Variants in WDR72 observed in about 807,000 individuals in gnomAD.
WDR72 encodes WD repeat domain 72.
Under a neutral mutation model 124.2 loss-of-function variants are expected in WDR72, and 120 were observed. The ratio of observed to expected loss-of-function variants is 0.97; its 90% CI spans 0.83 to 1.12. WDR72 has a LOEUF of 1.12. Among genes scored for constraint, WDR72 ranks in the 50% most tolerant of loss-of-function variants. The probability of loss-of-function intolerance (pLI) is 0.00; values close to 1 mark genes in which losing one functional copy is unlikely to be tolerated. For synonymous variants in WDR72, 452 were observed against 441.7 expected, an observed-to-expected ratio of 1.02 and a Z score of -0.29; for missense variants, 1,387 against 1,278.8, an observed-to-expected ratio of 1.08 and a Z score of -1.29.
chr15:53,731,628 A>G (rs964768246), intron 2 of WDR72, among the ~76,000 whole-genome samples: 1 of 151,290 alleles, frequency 6.6e-6, no homozygotes, highest in Admixed American at 6.6e-5. Context: ...ACTTGCTCCT[A>G]AGAGACCCAT....
intron 13 of WDR72, among the ~76,000 whole-genome samples, chr15:53,668,989 G>GAGA (rs756811021): frequency 0.46 from 41,343 of 88,960 alleles, 7,271 homozygotes; most frequent in Non-Finnish European, 0.51. Flanking sequence ...GAAGGAGAAG[G>GAGA]AGGAGGAGAA....
chr15:53,707,394 A>G (rs1379786063), intron 9 of WDR72, among the ~76,000 whole-genome samples: 1 of 152,214 alleles, frequency 6.6e-6, no homozygotes, highest in African/African-American at 2.4e-5. Flanking sequence ...AATTCCCTAT[A>G]GTCCCAAGAA....
intron 18 of WDR72, among the ~76,000 whole-genome samples, chr15:53,591,040 G>C (rs1340307647): frequency 6.6e-6 from 1 of 151,948 alleles, no homozygotes; most frequent in Non-Finnish European, 1.5e-5. Flanking sequence ...GGCATAAATG[G>C]CTTCAGTGGT....
chr15:53,528,612 GTAAC>G (rs1892254701), intron 18 of WDR72, among the ~76,000 whole-genome samples: 1 of 152,084 alleles, frequency 6.6e-6, no homozygotes, highest in Non-Finnish European at 1.5e-5. Flanking sequence ...GTTGTGAAGA[GTAAC>G]TATTATTTTT....
intron 2 of WDR72, among the ~76,000 whole-genome samples, chr15:53,727,740 C>T (rs1440849464): frequency 6.6e-6 from 1 of 152,190 alleles, no homozygotes; most frequent in Admixed American, 6.5e-5. Context: ...AATATCAGAA[C>T]AGAACATCAT....
intron 2 of WDR72, among the ~76,000 whole-genome samples, chr15:53,724,349 T>C (rs550378740): frequency 5.9e-5 from 9 of 152,172 alleles, no homozygotes; most frequent in Non-Finnish European, 1.3e-4. Context: ...GTTAACTAAT[T>C]TGATTGTTGT....
At chr15:53,604,676 G>C (rs2013198596) in intron 17 of WDR72, among the ~76,000 whole-genome samples, 1 of 152,106 alleles carries the variant, frequency 6.6e-6, no homozygotes, top group South Asian at 2.1e-4. Context: ...GAAATGAACA[G>C]ACACTTTTCA....
intron 7 of WDR72, 127 bp from the exon 8 acceptor site, chr15:53,711,608 C>T: frequency 1.0e-6 from 1 of 991,152 alleles, no homozygotes. Context: ...ACTGTACTCT[C>T]ATATTAAGAT....
intron 3 of WDR72, among the ~76,000 whole-genome samples, 155 bp downstream of exon 3, chr15:53,722,647 C>G (rs1233086363): frequency 6.6e-6 from 1 of 152,208 alleles, no homozygotes; most frequent in Non-Finnish European, 1.5e-5. Context: ...GATCATCACA[C>G]AAGTTATTCA....
intron 13 of WDR72, among the ~76,000 whole-genome samples, chr15:53,695,810 A>G (rs890622308): frequency 6.6e-6 from 1 of 152,182 alleles, no homozygotes; most frequent in African/African-American, 2.4e-5. Context: ...TGACTCTAGA[A>G]TATGCTTACG....
At chr15:53,753,562 G>A (rs748321066) in intron 1 of WDR72, among the ~76,000 whole-genome samples, 11 of 152,200 alleles carry the variant, frequency 7.2e-5, no homozygotes, top group Middle Eastern at 3.2e-3. Context: ...TGTAGCTTTT[G>A]TGAACATCTT....
At chr15:53,637,950 G>A (rs1409482327) in intron 14 of WDR72, among the ~76,000 whole-genome samples, 3 of 152,152 alleles carry the variant, frequency 2.0e-5, no homozygotes, top group Non-Finnish European at 2.9e-5. Context: ...GGTGGGGAGT[G>A]GAGAGGGGTT....
intron 13 of WDR72, among the ~76,000 whole-genome samples, chr15:53,688,519 C>G (rs540733199): frequency 6.6e-6 from 1 of 152,154 alleles, no homozygotes; most frequent in South Asian, 2.1e-4. Context: ...AAGTCAAGGA[C>G]CTCTTCAAGG....
intron 13 of WDR72, among the ~76,000 whole-genome samples, chr15:53,680,619 T>G (rs2016348308): frequency 6.6e-6 from 1 of 152,242 alleles, no homozygotes; most frequent in Non-Finnish European, 1.5e-5. Flanking sequence ...CTTATCTTAG[T>G]TATCTTCCTA....
In WDR72 at chr15:53,702,144, T is replaced by C; in HGVS notation, c.1559A>G (p.Glu520Gly). 5 of 1,613,346 alleles carry C rather than the reference T, an allele frequency of 3.1e-6. No homozygotes were observed. Among genetic ancestry groups the C allele is most frequent in the Non-Finnish European group, 4.2e-6 (5 of 1,179,758 alleles). Residue 520 changes from glutamate (E) to glycine (G), a missense_variant, in exon 12 of 20, where the codon GAG becomes GGG. Physicochemically the swap from Glu to Gly is moderately conservative, Grantham distance 98 (BLOSUM62 -2). Coordinates refer to ENST00000360509, the MANE Select transcript of WDR72 (RefSeq NM_182758.4). ...TACTCTTCGTCTTACTTTAAACTTCTCTGGTGACATCAAAAGACTTGTTAC... is the reference window on the plus strand; with the variant it reads ...TACTCTTCGTCTTACTTTAAACTTCCCTGGTGACATCAAAAGACTTGTTAC... ...GPVTSLLMSP[E>G]KFKLRGEQII...
intron 13 of WDR72, among the ~76,000 whole-genome samples, chr15:53,694,955 G>A (rs74018713): frequency 0.045 from 6,792 of 152,178 alleles, 533 homozygotes; most frequent in African/African-American, 0.16. Context: ...GGAACACAGC[G>A]TCACCCTCTC....
chr15:53,651,786 G>T (rs1268179794), intron 14 of WDR72, among the ~76,000 whole-genome samples: 1 of 152,048 alleles, frequency 6.6e-6, no homozygotes, highest in Non-Finnish European at 1.5e-5. Context: ...CCGAGTAGCT[G>T]GGACTAAAGG....
chr15:53,609,156 TA>T (rs889220220), intron 17 of WDR72, among the ~76,000 whole-genome samples: 23 of 151,342 alleles, frequency 1.5e-4, no homozygotes, highest in Admixed American at 1.1e-3. Flanking sequence ...AATCAAAAAT[TA>T]AAAAAAAATC....
At chr15:53,564,743 C>A (rs1566962336) in intron 18 of WDR72, among the ~76,000 whole-genome samples, 1 of 151,856 alleles carries the variant, frequency 6.6e-6, no homozygotes, top group Non-Finnish European at 1.5e-5. Flanking sequence ...TGCTTCCATG[C>A]CTACTGAAAA....
Sources: gnomAD v4.1 joint callset for allele counts (sites outside exome capture counted in the v4.1 genomes callset) on GRCh38, gnomAD v4.1.1 for gene constraint, MANE v1.5 for transcripts, NCBI Gene and HGNC (gene_info 2026-07-23, HGNC 2026-07-21) for gene names.